SLC35F2: variants seen among roughly 807,000 people sequenced by gnomAD.
The protein encoded by SLC35F2 is queuine/queuosine transporter SLC35F2.
In SLC35F2, 25 loss-of-function variants were observed where a neutral mutation model predicts 38.1. That is an observed-to-expected ratio of 0.66 (90% CI 0.48 to 0.92). The LOEUF (loss-of-function observed/expected upper bound fraction) is 0.92. Ranked by LOEUF, SLC35F2 falls within the 40% of genes least tolerant of loss-of-function variation. The pLI, the probability that SLC35F2 is intolerant of heterozygous loss-of-function variation, is 0.00. For missense variants in SLC35F2, 409 were observed against 452.9 expected (o/e 0.90, Z 0.88); for synonymous variants, 173 against 181.7 (o/e 0.95, Z 0.38).
chr11:107,808,843 A>G (rs892922052), intron 3 of SLC35F2, among the ~76,000 whole-genome samples: 5 of 152,244 alleles, frequency 3.3e-5, no homozygotes, highest in Non-Finnish European at 7.3e-5. Context: ...GGCTTAACAA[A>G]ATCTCAACTA....
At chr11:107,839,433 C>T (rs527344482) in intron 1 of SLC35F2, among the ~76,000 whole-genome samples, 2 of 152,232 alleles carry the variant, frequency 1.3e-5, no homozygotes, top group African/African-American at 4.8e-5. Flanking sequence ...TGCACTCCAG[C>T]CTGAACAATG....
chr11:107,836,349 G>C (rs1859931878), intron 1 of SLC35F2, among the ~76,000 whole-genome samples: 1 of 150,242 alleles, frequency 6.7e-6, no homozygotes, highest in African/African-American at 2.5e-5. Context: ...TTTTTGTCTG[G>C]TGGGGGGCAT....
At chr11:107,858,328 A>G (rs372558425) in intron 1 of SLC35F2, among the ~76,000 whole-genome samples, 5 of 152,104 alleles carry the variant, frequency 3.3e-5, no homozygotes, top group African/African-American at 1.2e-4. Context: ...CCTCCTTCAC[A>G]GCATCCCCGG....
chr11:107,847,023 T>A (rs1045211071), intron 1 of SLC35F2, among the ~76,000 whole-genome samples: 1 of 152,152 alleles, frequency 6.6e-6, no homozygotes, highest in South Asian at 2.1e-4. Flanking sequence ...TTCTCTCTGA[T>A]GATCTTCAGT....
intron 3 of SLC35F2, among the ~76,000 whole-genome samples, chr11:107,808,094 G>A (rs1448976962): frequency 1.3e-5 from 2 of 152,142 alleles, no homozygotes; most frequent in Admixed American, 1.3e-4. Flanking sequence ...CACTGGAATC[G>A]GGCTAAGCGC....
At chr11:107,851,249 T>G (rs1860180107) in intron 1 of SLC35F2, among the ~76,000 whole-genome samples, 1 of 142,208 alleles carries the variant, frequency 7.0e-6, no homozygotes, top group African/African-American at 2.6e-5. Flanking sequence ...GGCAACAGAG[T>G]GAGATGCTGT....
At chr11:107,801,801 G>C (rs1207983290) in intron 7 of SLC35F2, among the ~76,000 whole-genome samples, 3 of 152,180 alleles carry the variant, frequency 2.0e-5, no homozygotes, top group Admixed American at 6.5e-5. Context: ...AATTAAGGTG[G>C]AAAGTGCAGT....
At chr11:107,851,248 G>A (rs1009347219) in intron 1 of SLC35F2, among the ~76,000 whole-genome samples, 3 of 150,314 alleles carry the variant, frequency 2.0e-5, no homozygotes, top group African/African-American at 7.4e-5. Context: ...GGGCAACAGA[G>A]TGAGATGCTG....
intron 3 of SLC35F2, chr11:107,811,050 T>C: frequency 1.0e-6 from 1 of 985,012 alleles, no homozygotes; most frequent in Non-Finnish European, 1.2e-6. Context: ...ATAAAACATT[T>C]TGTAGTCAGT....
At chr11:107,845,634 C>T (rs1860093506) in intron 1 of SLC35F2, among the ~76,000 whole-genome samples, 1 of 151,880 alleles carries the variant, frequency 6.6e-6, no homozygotes, top group Non-Finnish European at 1.5e-5. Context: ...TTTTGTGACA[C>T]ATCACTTGTT....
At position 107,810,597 on chromosome 11, in the gene SLC35F2, T is replaced by C. The variant is rs141752419; in HGVS notation, c.414+1070A>G. On this transcript the variant is annotated intron_variant, in intron 3 of 7. Coordinates refer to ENST00000525815, the MANE Select transcript of SLC35F2 (RefSeq NM_017515.5). Reference sequence around the variant, plus strand: ...GCTGGGTTTAATTTTTACGAAACTTTAGGTTCTTTTTGTGCCTCCTATAGT... The same window carrying C: ...GCTGGGTTTAATTTTTACGAAACTTCAGGTTCTTTTTGTGCCTCCTATAGT... 805 of 985,358 alleles carry C rather than the reference T, an allele frequency of 8.2e-4. 1 individual carries two copies. In the African/African-American group the frequency reaches 0.013, roughly 16 times the overall value. 61.0% of individuals were successfully genotyped at this position (985,358 alleles called of 1,614,324 possible).
intron 7 of SLC35F2, among the ~76,000 whole-genome samples, chr11:107,800,052 C>G (rs932406801): frequency 2.1e-5 from 3 of 140,628 alleles, no homozygotes; most frequent in Non-Finnish European, 4.5e-5. Flanking sequence ...CCATGCCCGG[C>G]TAATTTTTTG....
At chr11:107,810,374 A>G (rs1186188168) in intron 3 of SLC35F2, 3 of 984,900 alleles carry the variant, frequency 3.0e-6, no homozygotes, top group Non-Finnish European at 3.6e-6. Flanking sequence ...TAGGCCTTGC[A>G]CCAATTCAAA....
chr11:107,839,731 G>C (rs760900866), intron 1 of SLC35F2, among the ~76,000 whole-genome samples: 1 of 152,042 alleles, frequency 6.6e-6, no homozygotes, highest in Non-Finnish European at 1.5e-5. Context: ...TCGGCTCATC[G>C]CAACCTCTGC....
At chr11:107,802,242 A>AAAAAAAAATAATAAATAAATAAAT (rs559048077) in intron 7 of SLC35F2, among the ~76,000 whole-genome samples, 8 of 147,892 alleles carry the variant, frequency 5.4e-5, no homozygotes, top group African/African-American at 2.0e-4. Flanking sequence ...CATCTCAAAA[A>AAAAAAAAATAATAAATAAATAAAT]AAATAAATAA....
intron 1 of SLC35F2, among the ~76,000 whole-genome samples, chr11:107,819,565 G>A (rs1047120632): frequency 1.3e-5 from 2 of 152,128 alleles, no homozygotes; most frequent in Non-Finnish European, 2.9e-5. Flanking sequence ...GCATTGATTC[G>A]GGTCTGAGGC....
In SLC35F2 at chr11:107,805,470, G is replaced by T; in HGVS notation, c.620C>A (p.Ser207Tyr). Residue 207 changes from serine to tyrosine, a missense_variant, in exon 5 of 8, where the codon TCC becomes TAC. By Grantham distance (144) the Ser-to-Tyr change is moderately radical (BLOSUM62 -2). Coordinates refer to ENST00000525815, the MANE Select transcript of SLC35F2 (RefSeq NM_017515.5). ...IGDILVLLGA[S>Y]LYAISNVCEE... Reference sequence around the variant, plus strand: ...ACAAACATTTGAAATGGCATAGAGGGAAGCCCCAAGAAGGACCAAGATGTC... The same window carrying T: ...ACAAACATTTGAAATGGCATAGAGGTAAGCCCCAAGAAGGACCAAGATGTC... The T allele has an allele frequency of 6.2e-7, 1 of 1,613,966 alleles. No individual in the cohort carries two copies. Among genetic ancestry groups the T allele is most frequent in the Non-Finnish European group, 8.5e-7 (1 of 1,179,982 alleles).
chr11:107,853,422 T>C (rs1314564604), intron 1 of SLC35F2, among the ~76,000 whole-genome samples: 2 of 151,938 alleles, frequency 1.3e-5, no homozygotes, highest in East Asian at 3.9e-4. Flanking sequence ...GCTTGGTGAA[T>C]GAAAGAATCA....
chr11:107,802,217 A>G (rs35129453), intron 7 of SLC35F2, among the ~76,000 whole-genome samples: 21,505 of 150,022 alleles, frequency 0.14, 2,533 homozygotes, highest in East Asian at 0.41. Flanking sequence ...CAGCCTGGGC[A>G]ACAGAGTGAG....
Sources: allele counts gnomAD v4.1 joint callset (sites outside exome capture counted in the v4.1 genomes callset), GRCh38; gene constraint gnomAD v4.1.1; transcripts MANE v1.5; gene names NCBI Gene and HGNC (gene_info 2026-07-23, HGNC 2026-07-21).